Variants in POLA1 observed in about 807,000 individuals in gnomAD.
The protein encoded by POLA1 is DNA polymerase alpha catalytic subunit.
Under a neutral mutation model 124.0 loss-of-function variants are expected in POLA1, and 15 were observed. The ratio of observed to expected loss-of-function variants is 0.12; its 90% CI spans 0.08 to 0.19. POLA1 has a LOEUF of 0.19. POLA1 is among the 10% of genes least tolerant of loss of function. The pLI is 1.00. For missense variants in POLA1, 886 were observed against 1,103.4 expected, an observed-to-expected ratio of 0.80 and a Z score of 2.79; for synonymous variants, 408 against 389.4, an observed-to-expected ratio of 1.05 and a Z score of -0.56.
At chrX:24,787,934 T>C (rs1349983779) in intron 26 of POLA1, among the ~76,000 whole-genome samples, 1 of 112,175 alleles carries the variant, frequency 8.9e-6, no homozygotes, top group East Asian at 2.8e-4. Context: ...CCAGTATCCC[T>C]GATGAACACA....
chrX:24,732,416 A>G lies in POLA1; in HGVS notation c.1733A>G (p.Lys578Arg). 8.4e-7 allele frequency: 1 copy of G among 1,195,519 alleles called. No homozygotes were observed. The highest frequency in any genetic ancestry group is 1.8e-5 in the South Asian group (1 of 56,503). ...ALVHHSFALD[K>R]AAPKPPFQSH... is the part of the protein sequence containing the mutation. The stretch of plus-strand genomic sequence containing the variant: ...GTCCATCACAGTTTTGCATTGGATA[A>G]AGCAGCCCCAAAGCCTCCCTTTCAG... Residue 578 changes from lysine to arginine, a missense_variant, in exon 16 of 37, where the codon AAA becomes AGA. Around this residue, in one of 7 missense-constraint regions of POLA1, gnomAD observed 337 missense variants for 402.8 expected, o/e 0.84. Transcript: ENST00000379068.
chrX:24,821,654 G>A, intron 31 of POLA1, 71 bp downstream of exon 31: 1 of 813,192 alleles, frequency 1.2e-6, no homozygotes, highest in East Asian at 3.3e-5. Flanking sequence ...TTACCACAGT[G>A]TCTTATTTAG....
chrX:24,773,062 C>T (rs950118472), intron 26 of POLA1, among the ~76,000 whole-genome samples: 1 of 112,147 alleles, frequency 8.9e-6, no homozygotes, highest in African/African-American at 3.2e-5. Flanking sequence ...GCTGTTACTT[C>T]TAAGACCAAG....
At chrX:24,986,040 C>T (rs1164622706) in intron 36 of POLA1, among the ~76,000 whole-genome samples, 1 of 111,672 alleles carries the variant, frequency 9.0e-6, no homozygotes, top group African/African-American at 3.3e-5. Context: ...GACGTGGTGG[C>T]ACTTGCCTGT....
intron 26 of POLA1, among the ~76,000 whole-genome samples, chrX:24,801,231 T>A (rs1006621621): frequency 1.9e-4 from 21 of 111,896 alleles, no homozygotes; most frequent in Non-Finnish European, 3.8e-4. Context: ...ATTTCTTGCA[T>A]GGAAAAAGCC....
At chrX:24,910,490 T>C (rs776601210) in intron 35 of POLA1, among the ~76,000 whole-genome samples, 1 of 111,856 alleles carries the variant, frequency 8.9e-6, no homozygotes, top group African/African-American at 3.2e-5. Flanking sequence ...CTGCATCTAC[T>C]GAGATAATCA....
At chrX:24,918,067 T>C (rs1272109203) in intron 35 of POLA1, among the ~76,000 whole-genome samples, 1 of 110,355 alleles carries the variant, frequency 9.1e-6, no homozygotes, top group Non-Finnish European at 1.9e-5. Context: ...ATATCTATTA[T>C]CATTATACCT....
intron 32 of POLA1, among the ~76,000 whole-genome samples, chrX:24,839,607 G>A (rs1276315373): frequency 1.8e-5 from 2 of 112,155 alleles, no homozygotes; most frequent in Admixed American, 9.4e-5. Context: ...GGGGTAGAGA[G>A]TAGCTCCTCT....
chrX:24,705,692 C>G (rs1178009286), intron 4 of POLA1, among the ~76,000 whole-genome samples: 1 of 109,670 alleles, frequency 9.1e-6, no homozygotes, highest in Non-Finnish European at 1.9e-5. Flanking sequence ...ACAGCAACAC[C>G]TCCCCCCCTC....
At chrX:24,816,097 GTTTA>G (rs2045985645) in intron 30 of POLA1, among the ~76,000 whole-genome samples, 1 of 111,297 alleles carries the variant, frequency 9.0e-6, no homozygotes, top group African/African-American at 3.3e-5. Context: ...GAACATCTTT[GTTTA>G]TTTATCTTTT....
intron 30 of POLA1, among the ~76,000 whole-genome samples, chrX:24,817,607 CA>C (rs1171262514): frequency 3.6e-3 from 119 of 33,481 alleles, no homozygotes; most frequent in Middle Eastern, 0.015. Flanking sequence ...GATTCCATCT[CA>C]AAAAAAAAAA....
intron 35 of POLA1, among the ~76,000 whole-genome samples, chrX:24,889,768 T>C (rs750219779): frequency 8.9e-6 from 1 of 112,165 alleles, no homozygotes; most frequent in East Asian, 2.8e-4. Context: ...CAATCATGGC[T>C]CACTACAGCC....
chrX:24,706,757 G>A (rs1166248965), intron 4 of POLA1, among the ~76,000 whole-genome samples: 1 of 111,873 alleles, frequency 8.9e-6, no homozygotes, highest in Non-Finnish European at 1.9e-5. Context: ...TCTATAGTCA[G>A]AGTATTGTGT....
intron 35 of POLA1, among the ~76,000 whole-genome samples, chrX:24,907,571 G>A (rs773083010): frequency 5.3e-5 from 6 of 112,194 alleles, no homozygotes; most frequent in Non-Finnish European, 1.1e-4. Flanking sequence ...GGAGCCAGAG[G>A]AAGTGGAACA....
chrX:24,772,360 CT>C (rs1312250245), intron 26 of POLA1, among the ~76,000 whole-genome samples: 8 of 110,559 alleles, frequency 7.2e-5, no homozygotes, highest in East Asian at 2.8e-4. Flanking sequence ...ATACTAATTT[CT>C]TTTTTTTAAT....
At chrX:24,917,289 GAAAAA>G (rs754805687) in intron 35 of POLA1, among the ~76,000 whole-genome samples, 36 of 77,481 alleles carry the variant, frequency 4.6e-4, no homozygotes, top group African/African-American at 1.6e-3. Flanking sequence ...CCATCTGAAA[GAAAAA>G]AAAAAAAAAG....
chrX:24,904,401 T>C (rs954589665), intron 35 of POLA1, among the ~76,000 whole-genome samples: 8 of 109,265 alleles, frequency 7.3e-5, no homozygotes, highest in African/African-American at 2.0e-4. Flanking sequence ...AGAGAGAATG[T>C]AGAAATCCCC....
chrX:24,704,260 T>G, intron 3 of POLA1, 129 bp from the exon 4 acceptor site: 1 of 510,710 alleles, frequency 2.0e-6, no homozygotes, highest in Non-Finnish European at 3.5e-6. Context: ...AACAGAATTC[T>G]GCTGCACTTA....
At chrX:24,867,319 C>T (rs775170985) in intron 34 of POLA1, among the ~76,000 whole-genome samples, 4 of 110,857 alleles carry the variant, frequency 3.6e-5, no homozygotes, top group African/African-American at 6.5e-5. Context: ...TATTTTGTGA[C>T]GATTTTAGCT....
Sources: gnomAD v4.1 joint callset for allele counts (sites outside exome capture counted in the v4.1 genomes callset) on GRCh38, gnomAD v4.1.1 for gene constraint, gnomAD v4.1.1 regional missense constraint, MANE v1.5 for transcripts, NCBI Gene and HGNC (gene_info 2026-07-23, HGNC 2026-07-21) for gene names.